Variants in CCDC190 observed in about 807,000 individuals in gnomAD.
The protein encoded by CCDC190 is coiled-coil domain containing 190.
A neutral mutation model predicts 13.1 loss-of-function variants in CCDC190; 10 were observed. The observed-to-expected ratio is 0.77, with a 90% CI of 0.47 to 1.30. The LOEUF (loss-of-function observed/expected upper bound fraction) is 1.30. Ranked by LOEUF, CCDC190 falls within the 50% of genes most tolerant of loss-of-function variation. CCDC190 has a pLI of 0.00. For missense variants in CCDC190, 375 were observed against 354.3 expected, an observed-to-expected ratio of 1.06 and a Z score of -0.47; for synonymous variants, 136 against 127.2, an observed-to-expected ratio of 1.07 and a Z score of -0.47.
In CCDC190 at chr1:162,855,360, C is replaced by A; in HGVS notation, c.312-1G>T. 6.3e-7 allele frequency: 1 copy of A among 1,591,810 alleles called. No homozygotes were observed. Among genetic ancestry groups the A allele is most frequent in the Non-Finnish European group, 8.5e-7 (1 of 1,174,070 alleles). On this transcript the variant is annotated splice_acceptor_variant, in intron 3 of 3. Coordinates refer to ENST00000367912, the MANE Select transcript of CCDC190 (RefSeq NM_001394065.1). LOFTEE classifies it high-confidence loss of function. Reference sequence around the variant, plus strand: ...TTGGGCCATACGGGTTGCCAATGCTCTGAGAAAGGACATAAAAGAAAGATC... The same window carrying A: ...TTGGGCCATACGGGTTGCCAATGCTATGAGAAAGGACATAAAAGAAAGATC...
At chr1:162,861,304 G>A (rs1170240156), upstream of CCDC190, among the ~76,000 whole-genome samples, 1 of 152,168 alleles carries the variant, frequency 6.6e-6, no homozygotes, top group Admixed American at 6.5e-5. Flanking sequence ...AAGCCTGCCA[G>A]CTTCTAGCCT....
At chr1:162,856,284 T>C (rs1571040864) in intron 2 of CCDC190, among the ~76,000 whole-genome samples, 1 of 152,178 alleles carries the variant, frequency 6.6e-6, no homozygotes, top group East Asian at 1.9e-4. Context: ...TCTGGTGTGA[T>C]AGATGGAAAT....
At chr1:162,867,370 A>T (rs1181244648) in intron 1 of CCDC190, among the ~76,000 whole-genome samples, 1 of 152,216 alleles carries the variant, frequency 6.6e-6, no homozygotes, top group African/African-American at 2.4e-5. Context: ...TCATTAGAAG[A>T]TTAAAACAAC....
Position 162,855,625 on chromosome 1 carries a change from T to C in CCDC190, c.311+7A>G. ...CATACCCATGGGTTTAGTAATCCAT[T>C]TCTTACCTCATTTTCTTAGCCTGTG... On this transcript the variant is annotated splice_region_variant and intron_variant, in intron 3 of 3. Coordinates refer to ENST00000367912, the MANE Select transcript of CCDC190 (RefSeq NM_001394065.1). 1 of 1,613,274 alleles carries C rather than the reference T, an allele frequency of 6.2e-7. No homozygotes were observed. The highest frequency in any genetic ancestry group is 8.5e-7 in the Non-Finnish European group (1 of 1,179,588).
Position 162,855,667 on chromosome 1 carries a change from C to A in CCDC190, c.276G>T (p.Arg92Ser), listed in dbSNP as rs77227460. Residue 92 changes from arginine to serine, a missense_variant, in exon 3 of 4, where the codon AGG becomes AGT. By Grantham distance (110) the Arg-to-Ser change is moderately radical. Coordinates refer to ENST00000367912, the MANE Select transcript of CCDC190 (RefSeq NM_001394065.1). Reference sequence around the variant, plus strand: ...TAGCCTGTGGGGCTCTGTGCTTCTGCCTTCCCTGTGGTGAGAACACGAGAA... The same window carrying A: ...TAGCCTGTGGGGCTCTGTGCTTCTGACTTCCCTGTGGTGAGAACACGAGAA... ...EDVLVFSPQG[R>S]QKHRAPQAKK... The A allele has an allele frequency of 0.17, 279,180 of 1,613,272 alleles. 26,442 individuals are homozygous for A. The highest frequency in any genetic ancestry group is 0.2 in the Non-Finnish European group (232,950 of 1,179,396).
intron 1 of CCDC190, among the ~76,000 whole-genome samples, chr1:162,867,145 A>C (rs902360715): frequency 2.0e-5 from 3 of 152,158 alleles, no homozygotes; most frequent in African/African-American, 7.2e-5. Flanking sequence ...AAACACTACG[A>C]GGGAAAACAA....
At position 162,854,665 on chromosome 1, in the gene CCDC190, A is replaced by G. The variant is rs1650219424; in HGVS notation, c.*100T>C. On this transcript the variant is annotated 3_prime_UTR_variant, in exon 4 of 4. Coordinates refer to ENST00000367912, the MANE Select transcript of CCDC190 (RefSeq NM_001394065.1). ...TTTAAAATAAAATTGTAATTCAATT[A>G]TGTTTGTTTGTTTTTCTCTGTATTG... is the stretch of plus-strand genomic sequence containing the variant. 2.1e-6 allele frequency: 3 copies of G among 1,455,918 alleles called. No homozygotes were observed. Among genetic ancestry groups the G allele is most frequent in the Non-Finnish European group, 2.7e-6 (3 of 1,105,958 alleles). The allele number at this position is 1,455,918 out of a possible 1,614,324, so 90.2% of individuals were successfully genotyped here.
chr1:162,865,576 T>A (rs1311048483), upstream of CCDC190, among the ~76,000 whole-genome samples: 1 of 152,138 alleles, frequency 6.6e-6, no homozygotes, highest in Non-Finnish European at 1.5e-5. Context: ...TAAGGTTAAG[T>A]AATTTATAAG....
rs555387620 is a variant in CCDC190, at chr1:162,854,354, A to T, written c.*411T>A. On this transcript the variant is annotated 3_prime_UTR_variant, in exon 4 of 4. Coordinates refer to ENST00000367912, the MANE Select transcript of CCDC190 (RefSeq NM_001394065.1). Reference sequence around the variant, plus strand: ...TGTTACAGTACCTATTTACAATCACATTCCTATTCCTACCACTACTATATA... The same window carrying T: ...TGTTACAGTACCTATTTACAATCACTTTCCTATTCCTACCACTACTATATA... 1.9e-4 allele frequency: 192 copies of T among 995,226 alleles called. No individual in the cohort carries two copies. Among genetic ancestry groups the T allele is most frequent in the Non-Finnish European group, 2.2e-4 (188 of 835,706 alleles). 61.6% of individuals were successfully genotyped at this position (995,226 alleles called of 1,614,324 possible).
intron 3 of CCDC190, 115 bp from the exon 4 acceptor site, chr1:162,855,474 G>A (rs1650269319): frequency 6.9e-7 from 1 of 1,449,930 alleles, no homozygotes; most frequent in Non-Finnish European, 9.3e-7. Context: ...AATATAGGTG[G>A]GAATGGGGTG....
chr1:162,854,536 C>T lies in CCDC190; in HGVS notation c.*229G>A. The T allele has an allele frequency of 7.5e-7, 1 of 1,328,908 alleles. No homozygotes were observed. 82.3% of individuals were successfully genotyped at this position (1,328,908 alleles called of 1,614,324 possible). On this transcript the variant is annotated 3_prime_UTR_variant, in exon 4 of 4. Transcript: ENST00000367912. ...TTCATATTTTTGATGACATCATAAA[C>T]ATATCACTTAAAATATTTTCAGAAG...
At chr1:162,860,164 C>A (rs995202208) in intron 1 of CCDC190, among the ~76,000 whole-genome samples, 1 of 152,124 alleles carries the variant, frequency 6.6e-6, no homozygotes, top group South Asian at 2.1e-4. Flanking sequence ...GCCTGTAATC[C>A]TACTGTATGC....
chr1:162,867,130 T>C (rs1220456395), intron 1 of CCDC190, among the ~76,000 whole-genome samples: 1 of 151,908 alleles, frequency 6.6e-6, no homozygotes, highest in East Asian at 1.9e-4. Flanking sequence ...CTTCTGTTCT[T>C]AAAAAAACAC....
At chr1:162,857,638 C>T (rs1650350205) in intron 2 of CCDC190, among the ~76,000 whole-genome samples, 1 of 152,146 alleles carries the variant, frequency 6.6e-6, no homozygotes, top group Admixed American at 6.6e-5. Context: ...CCCCATTTTC[C>T]TCCTCCTCTA....
chr1:162,867,144 G>A lies in CCDC190; in HGVS notation c.-13+1509C>T, dbSNP rs370824281. Among the ~76,000 whole-genome samples the A allele has an allele frequency of 9.2e-4, 140 of 151,744 alleles. 1 individual carries two copies. In the South Asian group the frequency reaches 0.012, roughly 13 times the overall value. On this transcript the variant is annotated intron_variant, in intron 1 of 3. Coordinates refer to the CCDC190 transcript ENST00000367910. ...CCTTCTGTTCTTAAAAAAACACTAC[G>A]AGGGAAAACAAAAGGCAAGCAAGAA...
At position 162,854,235 on chromosome 1, in the gene CCDC190, A is replaced by G. The variant is rs1202654742; in HGVS notation, c.*530T>C. On this transcript the variant is annotated 3_prime_UTR_variant, in exon 4 of 4. Transcript: ENST00000367912. Reference sequence around the variant, plus strand: ...GGTTGAAAGTGGGAGGGTGAAAACTAAAATGGAGCTATCTGTAAATAAAGG... The same window carrying G: ...GGTTGAAAGTGGGAGGGTGAAAACTGAAATGGAGCTATCTGTAAATAAAGG... 5.1e-6 allele frequency: 5 copies of G among 985,448 alleles called. No individual in the cohort carries two copies. The highest frequency in any genetic ancestry group is 4.8e-6 in the Non-Finnish European group (4 of 830,026). 61.0% of individuals were successfully genotyped at this position (985,448 alleles called of 1,614,324 possible).
Position 162,859,632 on chromosome 1 carries a change from C to T in CCDC190, c.15G>A (p.Met5Ile), listed in dbSNP as rs576794177. 6.0e-5 allele frequency: 96 copies of T among 1,613,382 alleles called. 1 individual carries two copies. In the South Asian group the frequency reaches 9.8e-4, roughly 16 times the overall value. Residue 5 changes from methionine to isoleucine, a missense_variant, in exon 2 of 4, where the codon ATG becomes ATA. By Grantham distance (10) the Met-to-Ile change is conservative (BLOSUM62 1). Transcript: ENST00000367912. MERH[M>I]VRGQLYKHFD... ...AATGCTTATACAATTGTCCCCTGACCATGTGCCTCTCCATCTTCTTTATGG... is the reference window on the plus strand; with the variant it reads ...AATGCTTATACAATTGTCCCCTGACTATGTGCCTCTCCATCTTCTTTATGG...
rs377690102 is a variant in CCDC190, at chr1:162,855,110, G to C, written c.561C>G (p.Thr187=). The C allele has an allele frequency of 1.2e-6, 2 of 1,613,872 alleles. No homozygotes were observed. The highest frequency in any genetic ancestry group is 2.7e-5 in the African/African-American group (2 of 74,926). Residue 187 remains threonine, a synonymous_variant, in exon 4 of 4, where the codon ACC becomes ACG. Transcript: ENST00000367912. The part of the protein sequence containing the change: ...PCQNQEVSTN[T]IEQGPSSSPA... ...GGCTGGAACTAGGACCTTGTTCTATGGTGTTGGTGGAAACCTCTTGATTTT... is the reference window on the plus strand; with the variant it reads ...GGCTGGAACTAGGACCTTGTTCTATCGTGTTGGTGGAAACCTCTTGATTTT...
rs1024798682 is a variant in CCDC190, at chr1:162,851,880, C to G, written c.*2885G>C. 6.6e-6 allele frequency: 1 copy of G among 152,154 alleles called. No homozygotes were observed. The highest frequency in any genetic ancestry group is 1.5e-5 in the Non-Finnish European group (1 of 68,028). 9.4% of individuals were successfully genotyped at this position (152,154 alleles called of 1,614,324 possible). On this transcript the variant is annotated 3_prime_UTR_variant, in exon 4 of 4. Transcript: ENST00000367912. ...GTTGAAAGCATTTCTTAACTGAAAA[C>G]GAGGGCAGGAGCCATCGGACACATG...
Sources: gnomAD v4.1 joint callset for allele counts (sites outside exome capture counted in the v4.1 genomes callset) on GRCh38, gnomAD v4.1.1 for gene constraint, MANE v1.5 for transcripts, NCBI Gene and HGNC (gene_info 2026-07-23, HGNC 2026-07-21) for gene names.